Variants in DOP1B observed in about 807,000 individuals in gnomAD.
DOP1B encodes the protein DOP1 leucine zipper like protein B.
A neutral mutation model predicts 233.5 loss-of-function variants in DOP1B; 174 were observed. The observed-to-expected ratio is 0.75, with a 90% CI of 0.66 to 0.85. The LOEUF (loss-of-function observed/expected upper bound fraction) is 0.85, where lower values mean the gene tolerates loss of function less well. DOP1B is among the 40% of genes least tolerant of loss of function. The pLI is 0.00. For synonymous variants in DOP1B, 1,190 were observed against 1,185.6 expected (o/e 1.00, Z -0.08); for missense variants, 2,652 against 2,846.6 (o/e 0.93, Z 1.56).
chr21:36,278,958 T>C (rs2067384577), intron 30 of DOP1B, among the ~76,000 whole-genome samples: 1 of 152,094 alleles, frequency 6.6e-6, no homozygotes, highest in South Asian at 2.1e-4. Context: ...AATTGGCCAG[T>C]GTTAAGATGA....
In DOP1B at chr21:36,208,890, A is replaced by G. The variant is rs201679787; in HGVS notation, c.667A>G (p.Asn223Asp). The G allele has an allele frequency of 2.6e-6, 4 of 1,532,158 alleles. No homozygotes were observed. Among genetic ancestry groups the G allele is most frequent in the African/African-American group, 2.8e-5 (2 of 71,630 alleles). The allele number at this position is 1,532,158 out of a possible 1,614,324, so 94.9% of individuals were successfully genotyped here. Reference sequence around the variant, plus strand: ...GGAGCAGAAGTACATGCTGGGGACCAATCACCAACTCACGGTGGGTGCTGT... The same window carrying G: ...GGAGCAGAAGTACATGCTGGGGACCGATCACCAACTCACGGTGGGTGCTGT... ...GREQKYMLGT[N>D]HQLTVKSLRA... Residue 223 changes from asparagine (N) to aspartate (D), a missense_variant, in exon 5 of 37, where the codon AAT (asparagine) becomes GAT (aspartate). Physicochemically the swap from Asn to Asp is conservative, Grantham distance 23 (BLOSUM62 1). Transcript: ENST00000691173.
At chr21:36,200,272 C>T (rs2066345575) in intron 3 of DOP1B, 59 bp from the exon 4 acceptor site, 8 of 1,505,184 alleles carry the variant, frequency 5.3e-6, no homozygotes, top group Non-Finnish European at 7.1e-6. Flanking sequence ...GGCTTGTCAC[C>T]TGGGACTTCT....
At chr21:36,266,724 TC>T (rs1455590374) in intron 26 of DOP1B, among the ~76,000 whole-genome samples, 6 of 152,176 alleles carry the variant, frequency 3.9e-5, no homozygotes, top group South Asian at 2.1e-4. Flanking sequence ...CCTCTCCCCT[TC>T]CTGGAGGTTG....
At chr21:36,230,247 C>T (rs780342986) in intron 13 of DOP1B, among the ~76,000 whole-genome samples, 5 of 152,106 alleles carry the variant, frequency 3.3e-5, no homozygotes, top group Admixed American at 2.0e-4. Context: ...GTGGGTGTAC[C>T]AGCCTCCTCT....
chr21:36,238,920 T>C (rs1041647471), intron 17 of DOP1B, among the ~76,000 whole-genome samples: 1 of 152,114 alleles, frequency 6.6e-6, no homozygotes, highest in Non-Finnish European at 1.5e-5. Flanking sequence ...CTGGCCAACA[T>C]GGTGAAACCC....
chr21:36,260,862 G>A, intron 24 of DOP1B, 130 bp downstream of exon 24: 2 of 1,514,366 alleles, frequency 1.3e-6, no homozygotes, highest in Admixed American at 2.4e-5. Flanking sequence ...TCTTAAAGTT[G>A]TCATAATTTC....
At chr21:36,177,463 G>C (rs1243342570) in intron 2 of DOP1B, among the ~76,000 whole-genome samples, 2 of 152,184 alleles carry the variant, frequency 1.3e-5, no homozygotes, top group Non-Finnish European at 2.9e-5. Flanking sequence ...TGGGGCTGGA[G>C]GTAGTCCAGA....
chr21:36,179,474 A>G (rs2066070279), intron 2 of DOP1B, among the ~76,000 whole-genome samples: 1 of 152,234 alleles, frequency 6.6e-6, no homozygotes, highest in African/African-American at 2.4e-5. Context: ...TGGTCATTGT[A>G]ACTTTGTTTT....
At chr21:36,211,351 A>G (rs1279042104) in intron 5 of DOP1B, among the ~76,000 whole-genome samples, 1 of 152,140 alleles carries the variant, frequency 6.6e-6, no homozygotes, top group Admixed American at 6.5e-5. Context: ...TGGAACAGTG[A>G]GGTCTGCAGC....
intron 1 of DOP1B, among the ~76,000 whole-genome samples, chr21:36,158,708 C>G (rs111716896): frequency 6.7e-6 from 1 of 148,216 alleles, no homozygotes; most frequent in Non-Finnish European, 1.5e-5. Flanking sequence ...GAGTCTGAGG[C>G]AGGAGAATCA....
chr21:36,239,968 C>A lies in DOP1B; in HGVS notation c.3067+13C>A. Reference sequence around the variant, plus strand: ...GAGAACTCGGCCGGTGAGCAGCCTGCACAGGACCCGAGGGTGAGGGAGGAA... The same window carrying A: ...GAGAACTCGGCCGGTGAGCAGCCTGAACAGGACCCGAGGGTGAGGGAGGAA... On this transcript the variant is annotated intron_variant, in intron 18 of 36. Transcript: ENST00000691173. The A allele has an allele frequency of 6.2e-7, 1 of 1,602,838 alleles. No individual in the cohort carries two copies. The highest frequency in any genetic ancestry group is 1.1e-5 in the South Asian group (1 of 89,570).
intron 2 of DOP1B, among the ~76,000 whole-genome samples, chr21:36,194,297 T>G (rs942277704): frequency 1.3e-5 from 2 of 152,176 alleles, no homozygotes; most frequent in African/African-American, 4.8e-5. Flanking sequence ...GTTCATGATC[T>G]CTAGATCACT....
chr21:36,227,343 C>T (rs181348895), intron 12 of DOP1B, among the ~76,000 whole-genome samples: 90 of 151,562 alleles, frequency 5.9e-4, no homozygotes, highest in Middle Eastern at 3.5e-3. Context: ...GTCAGGAGAT[C>T]GAGACCATCC....
intron 1 of DOP1B, among the ~76,000 whole-genome samples, chr21:36,161,963 C>A (rs540662340): frequency 1.3e-5 from 2 of 152,186 alleles, no homozygotes; most frequent in East Asian, 3.8e-4. Flanking sequence ...CCTCAGCGTT[C>A]CTTTGTGGAT....
chr21:36,269,181 G>A (rs960307095), intron 26 of DOP1B, among the ~76,000 whole-genome samples: 1 of 152,010 alleles, frequency 6.6e-6, no homozygotes, highest in Non-Finnish European at 1.5e-5. Flanking sequence ...TTGAGACGAA[G>A]TTTCGCTCCT....
At position 36,293,707 on chromosome 21, in the gene DOP1B, G is replaced by A. The variant is rs1458605022; in HGVS notation, c.*136G>A. 3 of 1,032,628 alleles carry A rather than the reference G, an allele frequency of 2.9e-6. No homozygotes were observed. Among genetic ancestry groups the A allele is most frequent in the Non-Finnish European group, 4.2e-6 (3 of 708,346 alleles). 64.0% of individuals were successfully genotyped at this position (1,032,628 alleles called of 1,614,324 possible). On this transcript the variant is annotated 3_prime_UTR_variant, in exon 37 of 37. Coordinates refer to ENST00000691173, the MANE Select transcript of DOP1B (RefSeq NM_001320714.2). ...ATTTTGAAAGTAGATTTCAGGCTAG[G>A]TGCGGTGGCTCACACCTGTAATCTC...
At chr21:36,211,765 C>T (rs950011336) in intron 6 of DOP1B, 114 bp downstream of exon 6, 2 of 1,319,878 alleles carry the variant, frequency 1.5e-6, no homozygotes, top group African/African-American at 2.9e-5. Flanking sequence ...GCATTATTTG[C>T]TGGTAGCCAG....
intron 23 of DOP1B, among the ~76,000 whole-genome samples, chr21:36,258,007 GTAGATAGGTAGAGAGA>G (rs1350987917): frequency 6.9e-6 from 1 of 144,834 alleles, no homozygotes; most frequent in African/African-American, 2.6e-5. Context: ...AGGTAGGTAG[GTAGATAGGTAGAGAGA>G]TAGATGTAGT....
At chr21:36,217,236 A>G (rs1176981014) in intron 9 of DOP1B, among the ~76,000 whole-genome samples, 1 of 152,186 alleles carries the variant, frequency 6.6e-6, no homozygotes, top group Non-Finnish European at 1.5e-5. Context: ...GCAGCTTCTC[A>G]TGAAGTTAGA....
Sources: gnomAD v4.1 joint callset for allele counts (sites outside exome capture counted in the v4.1 genomes callset) on GRCh38, gnomAD v4.1.1 for gene constraint, MANE v1.5 for transcripts, NCBI Gene and HGNC (gene_info 2026-07-23, HGNC 2026-07-21) for gene names.